PAIP2B: variants seen among roughly 807,000 people sequenced by gnomAD.
PAIP2B encodes the protein polyadenylate-binding protein-interacting protein 2B.
PAIP2B carries 13 observed loss-of-function variants against 17.0 expected under a neutral mutation model. The observed-to-expected ratio is 0.76, with a 90% CI of 0.50 to 1.22. The LOEUF (loss-of-function observed/expected upper bound fraction) is 1.22. PAIP2B is among the 50% of genes most tolerant of loss of function. PAIP2B has a pLI of 0.00. For missense variants in PAIP2B, 117 were observed against 144.5 expected (o/e 0.81, Z 0.98); for synonymous variants, 43 against 48.7 (o/e 0.88, Z 0.48).
chr2:71,217,820 C>A (rs761961800), intron 1 of PAIP2B, among the ~76,000 whole-genome samples: 1 of 125,718 alleles, frequency 8.0e-6, no homozygotes, highest in Non-Finnish European at 1.8e-5. Context: ...ACAATCCCAG[C>A]ACTTTGGCAA....
chr2:71,221,821 G>A lies in PAIP2B; in HGVS notation c.-12+5107C>T, dbSNP rs539238782. ...TTGGGGAACTTTCCTCTTACAAGAG[G>A]ATTGTAAAATGCACCAGTCAGCGCT... On this transcript the variant is annotated intron_variant, in intron 1 of 3. Coordinates refer to ENST00000244221, the MANE Select transcript of PAIP2B (RefSeq NM_020459.1). Among the ~76,000 whole-genome samples the A allele has an allele frequency of 5.3e-5, 8 of 152,302 alleles. No homozygotes were observed. In the East Asian group the frequency reaches 1.4e-3, roughly 26 times the overall value.
At chr2:71,225,603 T>C (rs546228180) in intron 1 of PAIP2B, among the ~76,000 whole-genome samples, 2 of 152,274 alleles carry the variant, frequency 1.3e-5, no homozygotes, top group South Asian at 2.1e-4. Context: ...CCCCAACACT[T>C]CAATCTCCTC....
chr2:71,210,590 C>T (rs1675270363), intron 1 of PAIP2B, among the ~76,000 whole-genome samples: 1 of 152,102 alleles, frequency 6.6e-6, no homozygotes, highest in Admixed American at 6.5e-5. Context: ...TAACAAGAAG[C>T]TTTCAAAAAC....
At chr2:71,190,366 T>C (rs901438898) in intron 2 of PAIP2B, among the ~76,000 whole-genome samples, 1 of 152,068 alleles carries the variant, frequency 6.6e-6, no homozygotes, top group Non-Finnish European at 1.5e-5. Context: ...CAAGGCTTCA[T>C]TGAGCCAAGA....
intron 2 of PAIP2B, among the ~76,000 whole-genome samples, chr2:71,193,606 C>CA (rs1674741379): frequency 6.6e-6 from 1 of 152,132 alleles, no homozygotes. Context: ...GTAATCCCAG[C>CA]ACTTTAGGAG....
intron 1 of PAIP2B, among the ~76,000 whole-genome samples, chr2:71,211,602 G>GAAAA (rs11376681): frequency 7.5e-6 from 1 of 133,590 alleles, no homozygotes; most frequent in Non-Finnish European, 1.6e-5. Context: ...AATGCTCTTT[G>GAAAA]AAAAAAAAAA....
At chr2:71,202,189 C>G (rs1477909898) in intron 2 of PAIP2B, among the ~76,000 whole-genome samples, 1 of 152,210 alleles carries the variant, frequency 6.6e-6, no homozygotes, top group African/African-American at 2.4e-5. Flanking sequence ...CAGATATCAA[C>G]TAATTAGTCT....
chr2:71,212,822 T>C (rs1287484237), intron 1 of PAIP2B, among the ~76,000 whole-genome samples: 2 of 151,986 alleles, frequency 1.3e-5, no homozygotes, highest in South Asian at 2.1e-4. Flanking sequence ...GGTGCAATCA[T>C]AGCTTACTGC....
At chr2:71,197,085 G>C (rs1383882160) in intron 2 of PAIP2B, among the ~76,000 whole-genome samples, 1 of 152,154 alleles carries the variant, frequency 6.6e-6, no homozygotes, top group African/African-American at 2.4e-5. Flanking sequence ...ATGTTGGCCT[G>C]TTTGTGTGGT....
chr2:71,213,055 G>A (rs905045823), intron 1 of PAIP2B, among the ~76,000 whole-genome samples: 1 of 152,086 alleles, frequency 6.6e-6, no homozygotes, highest in Non-Finnish European at 1.5e-5. Flanking sequence ...CTGGCCTGGG[G>A]AGCAGTGGGG....
At chr2:71,209,822 A>G (rs1017704409) in intron 1 of PAIP2B, among the ~76,000 whole-genome samples, 5 of 151,402 alleles carry the variant, frequency 3.3e-5, no homozygotes, top group African/African-American at 9.7e-5. Flanking sequence ...TTAAAATCAC[A>G]TAGAACTTTT....
rs959221003 is a variant in PAIP2B, at chr2:71,223,413, AAAAC to A, written c.-12+3511_-12+3514del. Among the ~76,000 whole-genome samples, 10 of 151,912 alleles carry A rather than the reference AAAAC, an allele frequency of 6.6e-5. No individual in the cohort carries two copies. In the South Asian group the frequency reaches 8.3e-4, roughly 13 times the overall value. ...GTGACAAGAGCGAAACTCCATCTCA[AAAAC>A]AAACAAACAAACAAAAACACAGACT... On this transcript the variant is annotated intron_variant, in intron 1 of 3. Coordinates refer to ENST00000244221, the MANE Select transcript of PAIP2B (RefSeq NM_020459.1).
At chr2:71,188,969 A>T (rs1674612317) in intron 3 of PAIP2B, among the ~76,000 whole-genome samples, 1 of 151,716 alleles carries the variant, frequency 6.6e-6, no homozygotes, top group Non-Finnish European at 1.5e-5. Flanking sequence ...GATTGTTCAG[A>T]ATATGAGTTG....
At chr2:71,192,186 A>G (rs1674702524) in intron 2 of PAIP2B, among the ~76,000 whole-genome samples, 2 of 152,078 alleles carry the variant, frequency 1.3e-5, no homozygotes. Flanking sequence ...ACTTAACCAC[A>G]TATGATTAAT....
At position 71,186,580 on chromosome 2, in the gene PAIP2B, A is replaced by C. The variant is rs188191076; in HGVS notation, c.*1899T>G. ...ACAGGCTCACGAGGATGAAGGAGGA[A>C]AAGCAGTCCCAGAAGGGAGAGATTT... On this transcript the variant is annotated 3_prime_UTR_variant, in exon 4 of 4. Coordinates refer to ENST00000244221, the MANE Select transcript of PAIP2B (RefSeq NM_020459.1). 1 of 152,254 alleles carries C rather than the reference A, an allele frequency of 6.6e-6. No homozygotes were observed. Among genetic ancestry groups the C allele is most frequent in the Non-Finnish European group, 1.5e-5 (1 of 68,038 alleles). The allele number at this position is 152,254 out of a possible 1,614,324, so 9.4% of individuals were successfully genotyped here. A position where few individuals can be genotyped will look rare whatever the true frequency, so the allele number is the denominator to read the frequency against.
chr2:71,218,734 C>A (rs1451905038), intron 1 of PAIP2B, among the ~76,000 whole-genome samples: 1 of 151,812 alleles, frequency 6.6e-6, no homozygotes, highest in Non-Finnish European at 1.5e-5. Context: ...TAATATATAG[C>A]CAGCTATTAA....
intron 1 of PAIP2B, among the ~76,000 whole-genome samples, chr2:71,206,590 G>A (rs1057332033): frequency 1.3e-5 from 2 of 152,126 alleles, no homozygotes; most frequent in African/African-American, 4.8e-5. Context: ...AGAACTCCAG[G>A]ACTTTTAATG....
Position 71,189,087 on chromosome 2 carries a change from A to ACTCCGCCTCC in PAIP2B, c.316-562_316-553dup, listed in dbSNP as rs1385870697. Among the ~76,000 whole-genome samples, 3 of 149,628 alleles carry ACTCCGCCTCC rather than the reference A, an allele frequency of 2.0e-5. No individual in the cohort carries two copies. In the East Asian group the frequency reaches 5.9e-4, roughly 29 times the overall value. On this transcript the variant is annotated intron_variant, in intron 3 of 3. Coordinates refer to ENST00000244221, the MANE Select transcript of PAIP2B (RefSeq NM_020459.1). ...GTGGTGCAATCTTGGCTCACTGCAA[A>ACTCCGCCTCC]CTCCGCCTCCCTCTGCCTCCCAGGT... is the stretch of plus-strand genomic sequence containing the variant.
intron 1 of PAIP2B, among the ~76,000 whole-genome samples, chr2:71,202,889 C>T (rs949490794): frequency 6.6e-6 from 1 of 152,074 alleles, no homozygotes; most frequent in Admixed American, 6.6e-5. Flanking sequence ...TAGGAATCTT[C>T]CCATGCCAAA....
Sources: gnomAD v4.1 joint callset for allele counts (sites outside exome capture counted in the v4.1 genomes callset) on GRCh38, gnomAD v4.1.1 for gene constraint, MANE v1.5 for transcripts, NCBI Gene and HGNC (gene_info 2026-07-23, HGNC 2026-07-21) for gene names.